Variants in FRMD4A observed in about 807,000 individuals in gnomAD.
The protein encoded by FRMD4A is FERM domain-containing protein 4A.
A neutral mutation model predicts 129.1 loss-of-function variants in FRMD4A; 29 were observed. The observed-to-expected ratio is 0.22, with a 90% confidence interval of 0.17 to 0.31. The LOEUF (loss-of-function observed/expected upper bound fraction) is 0.31. Ranked by LOEUF, FRMD4A falls within the 10% of genes least tolerant of loss-of-function variation. The probability of loss-of-function intolerance (pLI) is 1.00; values close to 1 mark genes in which losing one functional copy is unlikely to be tolerated. For synonymous variants in FRMD4A, 634 were observed against 571.6 expected (o/e 1.11, Z -1.56); for missense variants, 1,272 against 1,375.8 (o/e 0.92, Z 1.19).
intron 2 of FRMD4A, among the ~76,000 whole-genome samples, chr10:14,021,628 G>A (rs1381536358): frequency 1.3e-5 from 2 of 151,926 alleles, no homozygotes; most frequent in Non-Finnish European, 2.9e-5. Context: ...TTTCCCTCTG[G>A]GGGAGGGAGA....
At chr10:14,205,980 A>G (rs1842771512) in intron 2 of FRMD4A, among the ~76,000 whole-genome samples, 1 of 151,920 alleles carries the variant, frequency 6.6e-6, no homozygotes, top group Non-Finnish European at 1.5e-5. Context: ...ATTTCTTTCC[A>G]GGATTTATGG....
chr10:14,189,180 C>G (rs1842240507), intron 2 of FRMD4A, among the ~76,000 whole-genome samples: 1 of 152,262 alleles, frequency 6.6e-6, no homozygotes, highest in South Asian at 2.1e-4. Flanking sequence ...ACGATGTCAC[C>G]CTTAGCTCCA....
intron 6 of FRMD4A, among the ~76,000 whole-genome samples, chr10:13,766,221 A>G (rs2092283203): frequency 6.6e-6 from 1 of 151,862 alleles, no homozygotes; most frequent in Non-Finnish European, 1.5e-5. Context: ...GAAAGCTACC[A>G]AAAATATCCA....
At chr10:14,207,587 T>C (rs758381179) in intron 2 of FRMD4A, among the ~76,000 whole-genome samples, 1 of 152,084 alleles carries the variant, frequency 6.6e-6, no homozygotes. Context: ...CTTTTAAGGT[T>C]TTCTGCAAGA....
chr10:13,969,130 T>G (rs911203790), intron 2 of FRMD4A, among the ~76,000 whole-genome samples: 1 of 152,238 alleles, frequency 6.6e-6, no homozygotes, highest in Non-Finnish European at 1.5e-5. Flanking sequence ...CCTCTTCTTC[T>G]CCCAGGCCCC....
chr10:14,220,177 C>A (rs1843203275), intron 2 of FRMD4A, among the ~76,000 whole-genome samples: 2 of 152,210 alleles, frequency 1.3e-5, no homozygotes, highest in South Asian at 4.1e-4. Flanking sequence ...CTGTTCAGCA[C>A]TGATGAACTG....
rs747299123 is a variant in FRMD4A at position 13,692,140 on chromosome 10, C to CTTTTTTTTTTTTTTTTTTTTTTTTTTT, written c.1117+1757_1117+1758insAAAAAAAAAAAAAAAAAAAAAAAAAAA. The CTTTTTTTTTTTTTTTTTTTTTTTTTTT allele has an allele frequency of 6.0e-5, 6 of 100,470 alleles. 3 individuals are homozygous for CTTTTTTTTTTTTTTTTTTTTTTTTTTT. Among genetic ancestry groups the CTTTTTTTTTTTTTTTTTTTTTTTTTTT allele is most frequent in the African/African-American group, 8.2e-5 (2 of 24,412 alleles). The allele number at this position is 100,470 out of a possible 1,614,324, so 6.2% of individuals were successfully genotyped here. On this transcript the variant is annotated intron_variant, in intron 15 of 24. Transcript: ENST00000357447. ...CTTGAAGCTTATAAAATTTTAGCAG[C>CTTTTTTTTTTTTTTTTTTTTTTTTTTT]TTTTTTTTTTTTTTTTTTTTTTTTT...
chr10:13,839,998 G>T (rs879888130), intron 3 of FRMD4A, among the ~76,000 whole-genome samples: 1 of 152,192 alleles, frequency 6.6e-6, no homozygotes, highest in Non-Finnish European at 1.5e-5. Context: ...GAGGCCCATG[G>T]CTGTCTCAGG....
At chr10:13,779,759 C>T (rs2092689747) in intron 6 of FRMD4A, among the ~76,000 whole-genome samples, 1 of 147,768 alleles carries the variant, frequency 6.8e-6, no homozygotes, top group African/African-American at 2.5e-5. Flanking sequence ...AATTAATTAC[C>T]ATCAATAAAC....
intron 3 of FRMD4A, among the ~76,000 whole-genome samples, chr10:13,837,647 G>T (rs913104826): frequency 1.3e-5 from 2 of 152,138 alleles, no homozygotes; most frequent in Admixed American, 6.5e-5. Flanking sequence ...TCATCTCTTT[G>T]TGGGCACCAG....
chr10:14,259,897 T>C (rs1471166842), intron 2 of FRMD4A, among the ~76,000 whole-genome samples: 5 of 152,112 alleles, frequency 3.3e-5, no homozygotes, highest in Admixed American at 2.6e-4. Flanking sequence ...CTTATGCCTC[T>C]ACCTCTTCCT....
chr10:14,267,204 T>C (rs1256312604), intron 2 of FRMD4A, among the ~76,000 whole-genome samples: 1 of 152,208 alleles, frequency 6.6e-6, no homozygotes, highest in Non-Finnish European at 1.5e-5. Flanking sequence ...AAAGCTATTT[T>C]TATAAATTTC....
At chr10:13,930,973 C>T (rs780290743) in intron 2 of FRMD4A, among the ~76,000 whole-genome samples, 10 of 152,098 alleles carry the variant, frequency 6.6e-5, no homozygotes, top group Admixed American at 1.3e-4. Context: ...GCTGGGACTA[C>T]AGGTGCACAC....
chr10:14,220,812 T>TTGTGTG (rs60118766), intron 2 of FRMD4A, among the ~76,000 whole-genome samples: 28 of 45,454 alleles, frequency 6.2e-4, no homozygotes, highest in African/African-American at 1.2e-3. Flanking sequence ...GTGTGTGTGT[T>TTGTGTG]TGTGTGTGTG....
chr10:14,012,327 G>C (rs540454533), intron 2 of FRMD4A, among the ~76,000 whole-genome samples: 18 of 152,154 alleles, frequency 1.2e-4, no homozygotes, highest in Non-Finnish European at 2.5e-4. Flanking sequence ...TGTTTGCTTT[G>C]AACATTTCCT....
At chr10:14,038,739 C>A (rs1016322083) in intron 2 of FRMD4A, among the ~76,000 whole-genome samples, 3 of 152,194 alleles carry the variant, frequency 2.0e-5, no homozygotes, top group Admixed American at 6.5e-5. Flanking sequence ...TCAACTACCC[C>A]AAGTAAGGCT....
intron 2 of FRMD4A, among the ~76,000 whole-genome samples, chr10:14,234,254 A>T (rs989829814): frequency 6.6e-6 from 1 of 152,208 alleles, no homozygotes; most frequent in Admixed American, 6.5e-5. Flanking sequence ...TGGCTGAACC[A>T]ACCACTGCAA....
chr10:14,094,160 T>C (rs1022915621), intron 2 of FRMD4A, among the ~76,000 whole-genome samples: 1 of 152,250 alleles, frequency 6.6e-6, no homozygotes, highest in Non-Finnish European at 1.5e-5. Context: ...GCTTCTGATC[T>C]GACAGTCTGG....
intron 12 of FRMD4A, among the ~76,000 whole-genome samples, chr10:13,715,340 C>T (rs1481716387): frequency 6.6e-6 from 1 of 152,076 alleles, no homozygotes; most frequent in Non-Finnish European, 1.5e-5. Flanking sequence ...TGTCAAGCTG[C>T]AATTCTTTGG....
Sources: gnomAD v4.1 joint callset for allele counts (sites outside exome capture counted in the v4.1 genomes callset) on GRCh38, gnomAD v4.1.1 for gene constraint, MANE v1.5 for transcripts, NCBI Gene and HGNC (gene_info 2026-07-23, HGNC 2026-07-21) for gene names.